The following ESYT2 variants were observed in gnomAD, a reference collection of about 807,000 sequenced individuals.
ESYT2 encodes the protein extended synaptotagmin 2, also known as extended synaptotagmin-2.
A neutral mutation model predicts 107.2 loss-of-function variants in ESYT2; 54 were observed. That is an observed-to-expected ratio of 0.50 (90% CI 0.40 to 0.63). The LOEUF (loss-of-function observed/expected upper bound fraction) is 0.63. Among genes scored for constraint, ESYT2 ranks in the 30% least tolerant of loss-of-function variants. ESYT2 has a pLI of 0.00. For missense variants in ESYT2, 1,020 were observed against 1,094.5 expected (o/e 0.93, Z 0.96); for synonymous variants, 491 against 434.1 (o/e 1.13, Z -1.63).
intron 1 of ESYT2, among the ~76,000 whole-genome samples, chr7:158,809,638 TC>T (rs1261762661): frequency 5.9e-5 from 9 of 152,214 alleles, no homozygotes; most frequent in Non-Finnish European, 1.2e-4. Flanking sequence ...AGGTATCACT[TC>T]ATGCCCTCTA....
chr7:158,796,357 ATAT>A (rs1839457858), intron 3 of ESYT2, among the ~76,000 whole-genome samples: 1 of 152,230 alleles, frequency 6.6e-6, no homozygotes, highest in African/African-American at 2.4e-5. Flanking sequence ...TTTCCTTTTT[ATAT>A]AATGTGACTC....
intron 1 of ESYT2, among the ~76,000 whole-genome samples, chr7:158,815,312 T>A (rs1057197785): frequency 3.9e-5 from 6 of 152,146 alleles, no homozygotes; most frequent in Admixed American, 1.3e-4. Context: ...ACACCAACAT[T>A]AAAGACTGAA....
At chr7:158,778,480 TG>T (rs1432073769) in intron 6 of ESYT2, among the ~76,000 whole-genome samples, 2 of 150,264 alleles carry the variant, frequency 1.3e-5, no homozygotes, top group Non-Finnish European at 3.0e-5. Flanking sequence ...AAAAGATAAA[TG>T]TAACTAGTTG....
chr7:158,762,653 A>G (rs1478485442), intron 10 of ESYT2, among the ~76,000 whole-genome samples: 2 of 152,210 alleles, frequency 1.3e-5, no homozygotes, highest in African/African-American at 2.4e-5. Context: ...TATTTTCCCA[A>G]TGTGAATTAC....
At chr7:158,738,953 G>A (rs947528492) in intron 19 of ESYT2, 70 bp downstream of exon 19, 2 of 1,424,442 alleles carry the variant, frequency 1.4e-6, no homozygotes, top group Non-Finnish European at 2.0e-6. Flanking sequence ...TAAAGGCGGT[G>A]TCTACATCAT....
At chr7:158,795,864 G>A (rs1839442198) in intron 3 of ESYT2, among the ~76,000 whole-genome samples, 1 of 136,278 alleles carries the variant, frequency 7.3e-6, no homozygotes, top group South Asian at 2.2e-4. Context: ...CACACCTCAG[G>A]CATGTCACAG....
chr7:158,744,021 C>G (rs144504262), intron 16 of ESYT2: 108 of 207,644 alleles, frequency 5.2e-4, no homozygotes, highest in African/African-American at 2.5e-3. Context: ...CTGCAGTGAG[C>G]TGATATCGCG....
intron 10 of ESYT2, among the ~76,000 whole-genome samples, chr7:158,762,462 T>C (rs1184402431): frequency 6.6e-6 from 1 of 152,248 alleles, no homozygotes; most frequent in African/African-American, 2.4e-5. Flanking sequence ...GGTATGAACC[T>C]CTCCAATGTA....
intron 18 of ESYT2, among the ~76,000 whole-genome samples, chr7:158,740,725 T>G (rs571810992): frequency 5.9e-5 from 9 of 152,218 alleles, no homozygotes; most frequent in Admixed American, 2.6e-4. Context: ...GAATGTTTTC[T>G]TCTTTCCAAA....
At chr7:158,822,929 T>G (rs767752473) in intron 1 of ESYT2, among the ~76,000 whole-genome samples, 32 of 152,224 alleles carry the variant, frequency 2.1e-4, no homozygotes, top group Non-Finnish European at 4.3e-4. Context: ...TTTACAGTTT[T>G]AGCTAGAATT....
chr7:158,778,210 T>A (rs1007818751), intron 6 of ESYT2, among the ~76,000 whole-genome samples: 3 of 152,196 alleles, frequency 2.0e-5, no homozygotes, highest in African/African-American at 7.2e-5. Flanking sequence ...TTTTTCAATG[T>A]CATTATCTTT....
chr7:158,747,502 C>T (rs1416831051), intron 16 of ESYT2, among the ~76,000 whole-genome samples: 2 of 152,144 alleles, frequency 1.3e-5, no homozygotes, highest in Non-Finnish European at 2.9e-5. Flanking sequence ...AGGTGCTCAA[C>T]GTCATTAGTA....
chr7:158,785,029 C>T (rs1400946664), intron 6 of ESYT2, among the ~76,000 whole-genome samples: 2 of 152,248 alleles, frequency 1.3e-5, no homozygotes, highest in African/African-American at 4.8e-5. Flanking sequence ...TGCCCAACAA[C>T]TACCAAGTGA....
At chr7:158,780,521 A>C (rs1838737132) in intron 6 of ESYT2, among the ~76,000 whole-genome samples, 1 of 152,264 alleles carries the variant, frequency 6.6e-6, no homozygotes, top group Non-Finnish European at 1.5e-5. Context: ...GAATCATTTC[A>C]GAAAAACATT....
intron 1 of ESYT2, among the ~76,000 whole-genome samples, chr7:158,824,266 C>A (rs535246171): frequency 4.6e-5 from 7 of 152,318 alleles, no homozygotes; most frequent in Non-Finnish European, 7.4e-5. Context: ...GACTCCAACA[C>A]TTCCTCAACC....
intron 13 of ESYT2, among the ~76,000 whole-genome samples, chr7:158,755,088 G>A (rs1193700923): frequency 1.3e-5 from 2 of 152,194 alleles, no homozygotes; most frequent in Non-Finnish European, 2.9e-5. Flanking sequence ...TGAAGAGGTC[G>A]TTTCCAGCCT....
intron 3 of ESYT2, among the ~76,000 whole-genome samples, chr7:158,795,143 G>A (rs946336362): frequency 1.3e-5 from 2 of 152,142 alleles, no homozygotes; most frequent in African/African-American, 4.8e-5. Flanking sequence ...CCCAGCTGCC[G>A]GGAGTCTTGG....
chr7:158,759,091 G>A (rs1429947208), intron 13 of ESYT2, among the ~76,000 whole-genome samples: 1 of 152,136 alleles, frequency 6.6e-6, no homozygotes, highest in Non-Finnish European at 1.5e-5. Flanking sequence ...AGCAGCTCAC[G>A]CACGGCCCTG....
At chr7:158,826,940 G>A (rs1193948285) in intron 1 of ESYT2, among the ~76,000 whole-genome samples, 2 of 151,794 alleles carry the variant, frequency 1.3e-5, no homozygotes, top group African/African-American at 2.4e-5. Flanking sequence ...CAAGGCAGGC[G>A]GAACACAAGG....
Sources: allele counts gnomAD v4.1 joint callset (sites outside exome capture counted in the v4.1 genomes callset), GRCh38; gene constraint gnomAD v4.1.1; transcripts MANE v1.5; gene names NCBI Gene and HGNC (gene_info 2026-07-23, HGNC 2026-07-21).